TRMT11: variants seen among roughly 807,000 people sequenced by gnomAD.
TRMT11 encodes tRNA methyltransferase 11.
A neutral mutation model predicts 62.8 loss-of-function variants in TRMT11; 53 were observed. The observed-to-expected ratio is 0.84, with a 90% CI of 0.68 to 1.06. The LOEUF (loss-of-function observed/expected upper bound fraction) is 1.06, where lower values mean the gene tolerates loss of function less well. Among genes scored for constraint, TRMT11 ranks in the 50% least tolerant of loss-of-function variants. The pLI is 0.00. For missense variants in TRMT11, 556 were observed against 553.4 expected (o/e 1.00, Z -0.05); for synonymous variants, 188 against 190.3 (o/e 0.99, Z 0.10).
intron 17 of TRMT11, among the ~76,000 whole-genome samples, chr6:126,063,649 T>C (rs1219333769): frequency 1.3e-5 from 2 of 152,234 alleles, no homozygotes; most frequent in African/African-American, 4.8e-5. Context: ...AAGCCTGAGA[T>C]TCTCTGTTTC....
chr6:126,022,067 T>G (rs1453057253), intron 12 of TRMT11, among the ~76,000 whole-genome samples: 1 of 145,422 alleles, frequency 6.9e-6, no homozygotes, highest in African/African-American at 2.5e-5. Context: ...TTTTTTTTTT[T>G]TTTTTTTTTT....
intron 11 of TRMT11, among the ~76,000 whole-genome samples, chr6:126,017,357 G>A (rs117462194): frequency 1.1e-4 from 17 of 152,288 alleles, no homozygotes; most frequent in East Asian, 3.9e-4. Flanking sequence ...AAAATACTGC[G>A]TAAAAGCTTA....
intron 1 of TRMT11, among the ~76,000 whole-genome samples, chr6:126,191,464 C>CTTTTTTTTTTT (rs77414207): frequency 2.5e-4 from 26 of 102,364 alleles, no homozygotes; most frequent in Non-Finnish European, 3.4e-4. Flanking sequence ...TCCTACTTGT[C>CTTTTTTTTTTT]TTTTTTTTTT....
intron 7 of TRMT11, among the ~76,000 whole-genome samples, chr6:126,001,422 A>G (rs912287441): frequency 6.6e-6 from 1 of 151,406 alleles, no homozygotes; most frequent in Non-Finnish European, 1.5e-5. Flanking sequence ...TCTCCTCAAG[A>G]TTAGGATTAG....
intron 1 of TRMT11, among the ~76,000 whole-genome samples, chr6:126,180,524 T>TA (rs548366270): frequency 4.9e-4 from 75 of 152,192 alleles, no homozygotes; most frequent in Admixed American, 1.9e-3. Flanking sequence ...AATTTAGTGT[T>TA]AGAGTTATAA....
At chr6:126,178,182 G>A (rs1778411150) in intron 1 of TRMT11, among the ~76,000 whole-genome samples, 1 of 152,102 alleles carries the variant, frequency 6.6e-6, no homozygotes, top group Admixed American at 6.6e-5. Flanking sequence ...AAGTTTTTAT[G>A]GTAGGCACTG....
chr6:126,043,449 A>G (rs1322037205), downstream of TRMT11, among the ~76,000 whole-genome samples: 1 of 150,764 alleles, frequency 6.6e-6, no homozygotes, highest in African/African-American at 2.4e-5. Flanking sequence ...AGTCCAGTCT[A>G]TCATTGTTGG....
At chr6:126,156,990 A>T (rs952359847) in intron 21 of TRMT11, among the ~76,000 whole-genome samples, 2 of 152,184 alleles carry the variant, frequency 1.3e-5, no homozygotes, top group African/African-American at 4.8e-5. Flanking sequence ...TGCCATTGTG[A>T]GGTTGTACCA....
In TRMT11 at chr6:126,060,594, A is replaced by G. The variant is rs560646334; in HGVS notation, c.*1437+7404A>G. On this transcript the variant is annotated intron_variant and NMD_transcript_variant, in intron 17 of 22. Transcript: ENST00000648977. Reference sequence around the variant, plus strand: ...GACACAACGCAGATCAAAGGGCGTCACAGCACCCAGAGAGTCTGGGTTGGC... The same window carrying G: ...GACACAACGCAGATCAAAGGGCGTCGCAGCACCCAGAGAGTCTGGGTTGGC... 5.3e-5 allele frequency among the ~76,000 whole-genome samples: 8 copies of G among 152,342 alleles called. No homozygotes were observed. The East Asian group carries it at 1.5e-3, about 29-fold the overall frequency.
chr6:126,065,083 C>T (rs557598803), intron 17 of TRMT11, among the ~76,000 whole-genome samples: 56 of 152,126 alleles, frequency 3.7e-4, no homozygotes, highest in South Asian at 1.2e-3. Flanking sequence ...ATAGAGCCAC[C>T]GGATAATATC....
At chr6:126,153,849 TG>T (rs1328761593) in intron 21 of TRMT11, among the ~76,000 whole-genome samples, 1 of 152,230 alleles carries the variant, frequency 6.6e-6, no homozygotes, top group African/African-American at 2.4e-5. Context: ...TTAAGTGATG[TG>T]TTGATGATTG....
chr6:126,222,178 T>G, the TRMT11 span, among the ~76,000 whole-genome samples: 1 of 152,190 alleles, frequency 6.6e-6, no homozygotes, highest in African/African-American at 2.4e-5. Context: ...TGTGTCTGTT[T>G]TTGTAACATT....
intron 1 of TRMT11, among the ~76,000 whole-genome samples, chr6:126,193,794 G>T (rs1011942246): frequency 1.3e-5 from 2 of 151,888 alleles, no homozygotes; most frequent in Non-Finnish European, 2.9e-5. Flanking sequence ...GCGTTTCTGT[G>T]TTTTTGATGT....
chr6:126,125,008 T>G (rs1417195703), intron 21 of TRMT11, among the ~76,000 whole-genome samples: 2 of 152,062 alleles, frequency 1.3e-5, no homozygotes, highest in Admixed American at 6.6e-5. Context: ...GACATCAAAC[T>G]GCACCTTATA....
At chr6:126,161,576 T>A (rs1431681639) in intron 21 of TRMT11, among the ~76,000 whole-genome samples, 2 of 152,212 alleles carry the variant, frequency 1.3e-5, no homozygotes, top group African/African-American at 4.8e-5. Context: ...GAATGATTTA[T>A]AATCCTTTGG....
At chr6:126,046,946 C>T (rs914367018) in intron 16 of TRMT11, among the ~76,000 whole-genome samples, 2 of 152,088 alleles carry the variant, frequency 1.3e-5, no homozygotes, top group Admixed American at 1.3e-4. Context: ...GCTACAGAAA[C>T]CTAATGATAC....
the TRMT11 span, among the ~76,000 whole-genome samples, chr6:126,247,547 A>T: frequency 1.4e-5 from 2 of 146,974 alleles, no homozygotes; most frequent in Non-Finnish European, 3.0e-5. Flanking sequence ...AATATATAAA[A>T]ATATAAATAA....
At chr6:126,220,362 G>A in the TRMT11 span, among the ~76,000 whole-genome samples, 1 of 152,198 alleles carries the variant, frequency 6.6e-6, no homozygotes, top group Non-Finnish European at 1.5e-5. Context: ...AGAGGAGCCA[G>A]AGCTTGAATT....
At chr6:126,236,010 C>A in the TRMT11 span, among the ~76,000 whole-genome samples, 8 of 152,186 alleles carry the variant, frequency 5.3e-5, no homozygotes, top group African/African-American at 1.9e-4. Context: ...AAGCCTTATC[C>A]AGTAGTTCAT....
Sources: allele counts gnomAD v4.1 joint callset (sites outside exome capture counted in the v4.1 genomes callset), GRCh38; gene constraint gnomAD v4.1.1; transcripts MANE v1.5; gene names NCBI Gene and HGNC (gene_info 2026-07-23, HGNC 2026-07-21).